NFIX: variants seen among roughly 807,000 people sequenced by gnomAD.
The protein encoded by NFIX is nuclear factor 1 X-type.
Under a neutral mutation model 53.3 loss-of-function variants are expected in NFIX, and 2 were observed. That is an observed-to-expected ratio of 0.04 (90% confidence interval 0.02 to 0.12). The LOEUF is 0.12. NFIX is among the 10% of genes least tolerant of loss of function. NFIX has a pLI of 1.00. For missense variants in NFIX, 310 were observed against 674.5 expected, an observed-to-expected ratio of 0.46 and a Z score of 5.99; for synonymous variants, 244 against 289.0, an observed-to-expected ratio of 0.84 and a Z score of 1.58.
At chr19:13,079,677 TG>T (rs2017344573) in intron 7 of NFIX, among the ~76,000 whole-genome samples, 1 of 149,322 alleles carries the variant, frequency 6.7e-6, no homozygotes, top group Non-Finnish European at 1.5e-5. Flanking sequence ...GAGGTGGGGG[TG>T]GGGAGCCCAG....
chr19:13,065,066 G>T (rs544089017), intron 2 of NFIX, among the ~76,000 whole-genome samples: 2 of 152,072 alleles, frequency 1.3e-5, no homozygotes, highest in East Asian at 3.9e-4. Flanking sequence ...TTGGTATGCC[G>T]TTGCTGGCCA....
At chr19:13,026,744 C>G (rs7246382) in intron 2 of NFIX, among the ~76,000 whole-genome samples, 2,720 of 149,966 alleles carry the variant, frequency 0.018, 39 homozygotes, top group African/African-American at 0.038. Context: ...CTCTCTCTCT[C>G]TGTGTGTGTG....
chr19:13,074,327 CA>C (rs2016942561), intron 5 of NFIX, among the ~76,000 whole-genome samples: 1 of 151,998 alleles, frequency 6.6e-6, no homozygotes, highest in Non-Finnish European at 1.5e-5. Context: ...AGCCCAGACA[CA>C]GAGGGGGTTG....
chr19:13,061,072 G>A (rs776190868), intron 2 of NFIX, among the ~76,000 whole-genome samples: 54 of 148,148 alleles, frequency 3.6e-4, no homozygotes, highest in Non-Finnish European at 7.4e-4. Flanking sequence ...CGGGAGTCAC[G>A]TGGCCTTAGA....
chr19:12,997,003 G>A (rs1415000489), intron 1 of NFIX, among the ~76,000 whole-genome samples: 1 of 152,284 alleles, frequency 6.6e-6, no homozygotes, highest in African/African-American at 2.4e-5. Context: ...TCTCCGAAGA[G>A]GGGACATCTA....
At chr19:13,024,552 C>G in intron 1 of NFIX, 1 of 1,530,594 alleles carries the variant, frequency 6.5e-7, no homozygotes, top group Non-Finnish European at 8.8e-7. Context: ...CCCGCACGCC[C>G]CCGCGTGTGC....
rs1212491091 is a variant in NFIX, at chr19:13,001,309, C to G, written c.27+5445C>G. Among the ~76,000 whole-genome samples the G allele has an allele frequency of 6.6e-6, 1 of 152,180 alleles. No individual in the cohort carries two copies. Among genetic ancestry groups the G allele is most frequent in the Middle Eastern group, 3.2e-3 (1 of 316 alleles). The stretch of plus-strand genomic sequence containing the variant: ...TGCCCGGGTCCCTCTCCATGCCTCT[C>G]CATGTCTCCCAGCGTCCATCACTGG... On this transcript the variant is annotated intron_variant, in intron 1 of 10. Transcript: ENST00000592199. The surrounding 1 kb of genome is among the most constrained non-coding windows in gnomAD (Gnocchi z 6.5).
chr19:13,072,372 C>T lies in NFIX; in HGVS notation c.560-675C>T, dbSNP rs912642265. Among the ~76,000 whole-genome samples, 3 of 152,256 alleles carry T rather than the reference C, an allele frequency of 2.0e-5. No homozygotes were observed. Among genetic ancestry groups the T allele is most frequent in the African/African-American group, 7.2e-5 (3 of 41,468 alleles). On this transcript the variant is annotated intron_variant, in intron 2 of 10. Transcript: ENST00000592199. This position sits in a 1 kb window ranked among gnomAD's most constrained non-coding sequence, Gnocchi z 4.0. ...GCTGTGGCACCGGGGCATGAGACAGCCCAGACAGGCTGGCACAGAGCGGGC... is the reference window on the plus strand; with the variant it reads ...GCTGTGGCACCGGGGCATGAGACAGTCCAGACAGGCTGGCACAGAGCGGGC...
Position 13,049,370 on chromosome 19 carries a change from A to C in NFIX, c.560-23677A>C, listed in dbSNP as rs1383602799. 6.6e-6 allele frequency among the ~76,000 whole-genome samples: 1 copy of C among 152,170 alleles called. No homozygotes were observed. The highest frequency in any genetic ancestry group is 1.5e-5 in the Non-Finnish European group (1 of 68,034). ...CACCATCTAATTCCAGAACAATTCC[A>C]TTGCTCCCAAAAGAAACTCCATACC... On this transcript the variant is annotated intron_variant, in intron 2 of 10. Transcript: ENST00000592199. The surrounding 1 kb of genome is among the most constrained non-coding windows in gnomAD (Gnocchi z 4.5).
chr19:13,096,160 C>T lies in NFIX; in HGVS notation c.*1511C>T, dbSNP rs555859568. On this transcript the variant is annotated 3_prime_UTR_variant, in exon 11 of 11. Transcript: ENST00000592199. Reference sequence around the variant, plus strand: ...CTTGTCTTTCTGTGCCTTACTCCTCCTCCTGCGTCTCCCGTTCCTGGCCCC... The same window carrying T: ...CTTGTCTTTCTGTGCCTTACTCCTCTTCCTGCGTCTCCCGTTCCTGGCCCC... 2 of 153,180 alleles carry T rather than the reference C, an allele frequency of 1.3e-5. No homozygotes were observed. The highest frequency in any genetic ancestry group is 4.1e-4 in the South Asian group (2 of 4,850). The allele number at this position is 153,180 out of a possible 1,614,324, so 9.5% of individuals were successfully genotyped here.
chr19:13,020,359 AC>A (rs2012902482), intron 1 of NFIX, among the ~76,000 whole-genome samples: 1 of 152,036 alleles, frequency 6.6e-6, no homozygotes, highest in African/African-American at 2.4e-5. Flanking sequence ...TTCTAATGGA[AC>A]CCGAGCAATT....
chr19:13,015,790 TCACACACACA>T (rs5827172), intron 1 of NFIX, among the ~76,000 whole-genome samples: 328 of 132,160 alleles, frequency 2.5e-3, no homozygotes, highest in Non-Finnish European at 4.1e-3. Context: ...CATAGAGAGA[TCACACACACA>T]CACACACACA....
intron 2 of NFIX, among the ~76,000 whole-genome samples, chr19:13,056,546 G>A (rs568925398): frequency 2.6e-5 from 4 of 152,120 alleles, no homozygotes; most frequent in Non-Finnish European, 5.9e-5. Flanking sequence ...GTGGAGTCCC[G>A]CCTTCTAGGA....
At position 13,060,375 on chromosome 19, in the gene NFIX, C is replaced by G. The variant is rs898472015; in HGVS notation, c.560-12672C>G. Among the ~76,000 whole-genome samples, 1 of 152,232 alleles carries G rather than the reference C, an allele frequency of 6.6e-6. No homozygotes were observed. Among genetic ancestry groups the G allele is most frequent in the Non-Finnish European group, 1.5e-5 (1 of 68,034 alleles). ...TCTGGAACGGGTGAAGGAGAGAGCCCGGGAGCCTCACTGTGGGTGGGAGGG... is the reference window on the plus strand; with the variant it reads ...TCTGGAACGGGTGAAGGAGAGAGCCGGGGAGCCTCACTGTGGGTGGGAGGG... On this transcript the variant is annotated intron_variant, in intron 2 of 10. Transcript: ENST00000592199. The surrounding 1 kb of genome is among the most constrained non-coding windows in gnomAD (Gnocchi z 4.3).
Position 13,073,117 on chromosome 19 carries a change from C to A in NFIX, c.622+8C>A. On this transcript the variant is annotated splice_region_variant and intron_variant, in intron 3 of 10. Coordinates refer to ENST00000592199, the MANE Select transcript of NFIX (RefSeq NM_001365902.3). This position sits in a 1 kb window ranked among gnomAD's most constrained non-coding sequence, Gnocchi z 4.5. ...TCAAACCACTGCCCAACGGTCAGTG[C>A]CCCCCACCTGCCCAGCTGCCCTTAT... 2 of 1,612,888 alleles carry A rather than the reference C, an allele frequency of 1.2e-6. No individual in the cohort carries two copies. Among genetic ancestry groups the A allele is most frequent in the African/African-American group, 1.3e-5 (1 of 75,012 alleles).
In NFIX at chr19:13,066,854, C is replaced by T. The variant is rs2016436293; in HGVS notation, c.560-6193C>T. Among the ~76,000 whole-genome samples the T allele has an allele frequency of 6.6e-6, 1 of 152,106 alleles. No homozygotes were observed. Among genetic ancestry groups the T allele is most frequent in the Non-Finnish European group, 1.5e-5 (1 of 67,994 alleles). ...AAGCCCCGTGGGCCCAGACCCTGGC[C>T]AAGCCTCATCCCCCGGCCCTCTGGC... On this transcript the variant is annotated intron_variant, in intron 2 of 10. Transcript: ENST00000592199. This position sits in a 1 kb window ranked among gnomAD's most constrained non-coding sequence, Gnocchi z 4.2.
intron 2 of NFIX, among the ~76,000 whole-genome samples, chr19:13,057,154 C>T (rs987573972): frequency 6.6e-6 from 1 of 152,230 alleles, no homozygotes; most frequent in African/African-American, 2.4e-5. Context: ...AACCATATCC[C>T]TGGTGAGGTG....
chr19:13,034,881 A>C (rs771322247), intron 2 of NFIX, among the ~76,000 whole-genome samples: 1 of 152,158 alleles, frequency 6.6e-6, no homozygotes, highest in East Asian at 1.9e-4. Context: ...CTTACCTCTC[A>C]CCATTGATAT....
chr19:13,076,343 AG>A (rs2017100402), intron 6 of NFIX, among the ~76,000 whole-genome samples: 1 of 152,150 alleles, frequency 6.6e-6, no homozygotes, highest in Non-Finnish European at 1.5e-5. Flanking sequence ...AGACCTTCCC[AG>A]TCTCCTCTAG....
Sources: allele counts gnomAD v4.1 joint callset (sites outside exome capture counted in the v4.1 genomes callset), GRCh38; gene constraint gnomAD v4.1.1; non-coding constraint Gnocchi (gnomAD v3.1); transcripts MANE v1.5; gene names NCBI Gene and HGNC (gene_info 2026-07-23, HGNC 2026-07-21).